Variants in SGCD observed in about 807,000 individuals in gnomAD.
SGCD encodes the protein sarcoglycan delta.
SGCD carries 18 observed loss-of-function variants against 36.6 expected under a neutral mutation model. The ratio of observed to expected loss-of-function variants is 0.49; its 90% confidence interval spans 0.34 to 0.73. SGCD has a LOEUF of 0.73. SGCD is among the 30% of genes least tolerant of loss of function. The pLI is 0.01. For synonymous variants in SGCD, 133 were observed against 130.6 expected (o/e 1.02, Z -0.12); for missense variants, 387 against 346.7 (o/e 1.12, Z -0.92).
intron 7 of SGCD, among the ~76,000 whole-genome samples, chr5:156,687,679 G>A (rs149381205): frequency 4.6e-5 from 7 of 152,204 alleles, no homozygotes; most frequent in East Asian, 1.9e-4. Context: ...CTTTCCCTCC[G>A]CATCAACTTG....
chr5:155,993,966 AGTACCAAGGTCAG>A (rs1235755892), intron 1 of SGCD, among the ~76,000 whole-genome samples: 1 of 152,220 alleles, frequency 6.6e-6, no homozygotes, highest in Non-Finnish European at 1.5e-5. Context: ...AGATGGGAAA[AGTACCAAGGTCAG>A]GTTGAAAAAG....
intron 1 of SGCD, among the ~76,000 whole-genome samples, chr5:155,932,741 CTT>C (rs1757122769): frequency 6.6e-6 from 1 of 152,082 alleles, no homozygotes. Context: ...TGGTTTATCT[CTT>C]TGTATTTAAT....
chr5:155,976,971 A>G (rs1758128024), intron 1 of SGCD, among the ~76,000 whole-genome samples: 1 of 151,998 alleles, frequency 6.6e-6, no homozygotes, highest in South Asian at 2.1e-4. Flanking sequence ...GGATCCCCTT[A>G]CTTCCCTCCC....
In SGCD at chr5:156,344,051, A is replaced by ACC. The variant is rs11426656; in HGVS notation, c.4-432_4-431dup. On this transcript the variant is annotated intron_variant, in intron 2 of 8. Transcript: ENST00000337851. ...TGATAGTGTTCAAAATTTTTTAACC[A>ACC]CCCCCCCAAATAAATTGCCTGAATA... Among the ~76,000 whole-genome samples, 21 of 151,870 alleles carry ACC rather than the reference A, an allele frequency of 1.4e-4. No individual in the cohort carries two copies. The South Asian group carries it at 2.5e-3, about 18-fold the overall frequency.
the SGCD span, among the ~76,000 whole-genome samples, chr5:155,737,360 A>G: frequency 6.6e-6 from 1 of 152,186 alleles, no homozygotes; most frequent in Non-Finnish European, 1.5e-5. Context: ...GCTTTATCCT[A>G]TTATTTACTT....
rs1491389020 is a variant in SGCD, at chr5:156,604,740, A to ACATATATACACATTTTATATGTATATATT, written c.502+9717_502+9718insTCATATATACACATTTTATATGTATATAT. ...ATATGCACATTATATATGTATATAT[A>ACATATATACACATTTTATATGTATATATT]CATATATACACATTTTATATGTATA... On this transcript the variant is annotated intron_variant, in intron 6 of 8. Transcript: ENST00000337851. Among the ~76,000 whole-genome samples, 23 of 148,724 alleles carry ACATATATACACATTTTATATGTATATATT rather than the reference A, an allele frequency of 1.5e-4. 1 individual carries two copies. The highest frequency in any genetic ancestry group is 4.9e-4 in the African/African-American group (20 of 40,912).
rs189450440 is a variant in SGCD, at chr5:156,564,932, T to C, written c.295-24299T>C. On this transcript the variant is annotated intron_variant, in intron 4 of 8. Coordinates refer to ENST00000337851, the MANE Select transcript of SGCD (RefSeq NM_000337.6). ...CAGATTTTAACAATCTTGTAGCACATTGACTTAACAGCTTGAATTTTAGAA... is the reference window on the plus strand; with the variant it reads ...CAGATTTTAACAATCTTGTAGCACACTGACTTAACAGCTTGAATTTTAGAA... Among the ~76,000 whole-genome samples the C allele has an allele frequency of 2.8e-4, 42 of 152,312 alleles. No individual in the cohort carries two copies. The East Asian group carries it at 6.4e-3, about 23-fold the overall frequency.
chr5:156,190,935 A>G (rs142219251), intron 3 of SGCD, among the ~76,000 whole-genome samples: 1,614 of 152,264 alleles, frequency 0.011, 37 homozygotes, highest in African/African-American at 0.036. Context: ...TTAAATATAT[A>G]TGATTTGTAT....
In SGCD at chr5:156,764,103, T is replaced by G. The variant is rs1179871751; in HGVS notation, c.*4713T>G. On this transcript the variant is annotated 3_prime_UTR_variant, in exon 9 of 9. Coordinates refer to ENST00000337851, the MANE Select transcript of SGCD (RefSeq NM_000337.6). ...AAGGATAAGGAAACAGCTCCTGGAA[T>G]GATACATTTGCATAGTGCCCTAGTA... is the stretch of plus-strand genomic sequence containing the variant. 1 of 152,270 alleles carries G rather than the reference T, an allele frequency of 6.6e-6. No homozygotes were observed. Among genetic ancestry groups the G allele is most frequent in the African/African-American group, 2.4e-5 (1 of 41,456 alleles). The allele number at this position is 152,270 out of a possible 1,614,324, so 9.4% of individuals were successfully genotyped here.
At chr5:156,330,459 T>C (rs1472457934) in intron 2 of SGCD, among the ~76,000 whole-genome samples, 2 of 152,154 alleles carry the variant, frequency 1.3e-5, no homozygotes, top group East Asian at 3.9e-4. Context: ...TACCTCTGAA[T>C]TGTTTTCTGT....
intron 3 of SGCD, among the ~76,000 whole-genome samples, chr5:156,491,608 A>T (rs1755941929): frequency 6.6e-6 from 1 of 152,160 alleles, no homozygotes; most frequent in Non-Finnish European, 1.5e-5. Context: ...ATCAATGAAA[A>T]TTTTTTAAAA....
Position 156,564,481 on chromosome 5 carries a change from C to T in SGCD, c.295-24750C>T, listed in dbSNP as rs542456882. On this transcript the variant is annotated intron_variant, in intron 4 of 8. Coordinates refer to ENST00000337851, the MANE Select transcript of SGCD (RefSeq NM_000337.6). ...AAACAAAACAAAACAATTTAATTTA[C>T]GTTATGTAAATTATACATAATGTAA... is the stretch of plus-strand genomic sequence containing the variant. Among the ~76,000 whole-genome samples, 4 of 152,162 alleles carry T rather than the reference C, an allele frequency of 2.6e-5. No individual in the cohort carries two copies. The East Asian group carries it at 5.8e-4, about 22-fold the overall frequency.
rs553682020 is a variant in SGCD, at chr5:156,610,851, A to G, written c.502+15800A>G. On this transcript the variant is annotated intron_variant, in intron 6 of 8. Transcript: ENST00000337851. ...TAGGACCCTCCAGGCCAGGCGCAGG[A>G]TATAATCTCCTGGTGTGCCGTTTGC... 1.2e-4 allele frequency among the ~76,000 whole-genome samples: 19 copies of G among 152,354 alleles called. No individual in the cohort carries two copies. In the South Asian group the frequency reaches 3.7e-3, roughly 30 times the overall value.
rs185205775 is a variant in SGCD, at chr5:156,649,767, C to T, written c.575+2231C>T. 8.8e-4 allele frequency among the ~76,000 whole-genome samples: 134 copies of T among 151,914 alleles called. 1 individual carries two copies. Among genetic ancestry groups the T allele is most frequent in the African/African-American group, 2.9e-3 (121 of 41,404 alleles). ...AGGAGATATACCTAATGTTAAATGA[C>T]GAGTTAATGGGTGCAGCACACCAAC... On this transcript the variant is annotated intron_variant, in intron 7 of 8. Transcript: ENST00000337851.
At chr5:156,439,160 G>A (rs13189810) in intron 3 of SGCD, among the ~76,000 whole-genome samples, 69,048 of 151,832 alleles carry the variant, frequency 0.45, 15,818 homozygotes, top group Middle Eastern at 0.6. Context: ...GACCTTCAAG[G>A]TATAATCCCA....
chr5:156,723,649 A>T (rs1044110378), intron 7 of SGCD, among the ~76,000 whole-genome samples: 1 of 152,230 alleles, frequency 6.6e-6, no homozygotes, highest in African/African-American at 2.4e-5. Flanking sequence ...TGAGGGGGTG[A>T]TGCTTGACTT....
chr5:156,183,228 G>A (rs1460165953), intron 3 of SGCD, among the ~76,000 whole-genome samples: 1 of 152,156 alleles, frequency 6.6e-6, no homozygotes, highest in East Asian at 1.9e-4. Context: ...GAAAAATGGA[G>A]TGTCTGAAAA....
At chr5:156,561,392 G>A (rs1005761195) in intron 4 of SGCD, among the ~76,000 whole-genome samples, 2 of 152,134 alleles carry the variant, frequency 1.3e-5, no homozygotes, top group East Asian at 1.9e-4. Flanking sequence ...TAAAAATAAC[G>A]AGTGGCTCTT....
At chr5:155,900,720 G>A (rs927430669) in intron 1 of SGCD, among the ~76,000 whole-genome samples, 3 of 151,892 alleles carry the variant, frequency 2.0e-5, no homozygotes, top group African/African-American at 7.3e-5. Flanking sequence ...CAAAATGCAG[G>A]AGTAAGATTT....
Sources: gnomAD v4.1 joint callset for allele counts (sites outside exome capture counted in the v4.1 genomes callset) on GRCh38, gnomAD v4.1.1 for gene constraint, MANE v1.5 for transcripts, NCBI Gene and HGNC (gene_info 2026-07-23, HGNC 2026-07-21) for gene names.